ALDH3B2: variants seen among roughly 807,000 people sequenced by gnomAD.
ALDH3B2 encodes the protein aldehyde dehydrogenase 3 family member B2.
In ALDH3B2, 45 loss-of-function variants were observed where a neutral mutation model predicts 36.7. The ratio of observed to expected loss-of-function variants is 1.23; its 90% CI spans 0.97 to 1.57. The LOEUF is 1.57. ALDH3B2 is among the 40% of genes most tolerant of loss of function. The pLI, the probability that ALDH3B2 is intolerant of heterozygous loss-of-function variation, is 0.00. For missense variants in ALDH3B2, 464 were observed against 513.3 expected (o/e 0.90, Z 0.93); for synonymous variants, 217 against 226.5 (o/e 0.96, Z 0.38).
At chr11:67,663,821 C>T (rs1049964198) in intron 8 of ALDH3B2, 60 bp from the exon 9 acceptor site, 130 of 1,449,468 alleles carry the variant, frequency 9.0e-5, no homozygotes, top group Middle Eastern at 1.8e-4. Flanking sequence ...GCTTGAGCCC[C>T]GCACATTCCA....
upstream of ALDH3B2, among the ~76,000 whole-genome samples, chr11:67,679,344 A>C (rs974555078): frequency 5.9e-5 from 9 of 152,092 alleles, no homozygotes; most frequent in African/African-American, 1.9e-4. Context: ...TGTGGCGTGC[A>C]CCTGTAATCC....
exon 10 of ALDH3B2, chr11:67,663,123 C>A: frequency 7.0e-7 from 1 of 1,423,860 alleles, no homozygotes; most frequent in Non-Finnish European, 9.5e-7. Flanking sequence ...GGGGAACCTG[C>A]GGTCTGGAGG....
intron 1 of ALDH3B2, among the ~76,000 whole-genome samples, 182 bp downstream of exon 1, chr11:67,674,254 C>T (rs1046830539): frequency 6.6e-6 from 1 of 152,180 alleles, no homozygotes; most frequent in African/African-American, 2.4e-5. Context: ...CCAGCACCCA[C>T]CTCCCTCTCC....
upstream of ALDH3B2, among the ~76,000 whole-genome samples, chr11:67,675,062 A>G (rs925419569): frequency 1.3e-5 from 2 of 152,120 alleles, no homozygotes; most frequent in Non-Finnish European, 2.9e-5. Context: ...TTCACAGGTC[A>G]AGATGAGCAA....
chr11:67,667,456 C>A lies in ALDH3B2; in HGVS notation c.-82+17G>T. The A allele has an allele frequency of 5.4e-6, 2 of 371,690 alleles. No individual in the cohort carries two copies. The highest frequency in any genetic ancestry group is 5.0e-6 in the Non-Finnish European group (1 of 199,702). 23.0% of individuals were successfully genotyped at this position (371,690 alleles called of 1,614,324 possible). On this transcript the variant is annotated intron_variant, in intron 2 of 9. Transcript: ENST00000349015. ...CGCTGCTCCAGCCCCTGCCGGGGCC[C>A]ACTCTCCACGGCCCACCTTATGCAG...
chr11:67,671,671 C>T (rs958814284), intron 1 of ALDH3B2, among the ~76,000 whole-genome samples: 2 of 151,738 alleles, frequency 1.3e-5, no homozygotes, highest in East Asian at 1.9e-4. Context: ...CTCAACCTCC[C>T]GAGTAGCTGG....
At chr11:67,664,436 T>C in exon 8 of ALDH3B2, 1 of 1,614,096 alleles carries the variant, frequency 6.2e-7, no homozygotes, top group Non-Finnish European at 8.5e-7. Context: ...CAGGGGCTTC[T>C]CCTGCCGGTT....
intron 1 of ALDH3B2, among the ~76,000 whole-genome samples, chr11:67,673,445 C>T (rs929271416): frequency 6.6e-6 from 1 of 152,198 alleles, no homozygotes; most frequent in African/African-American, 2.4e-5. Flanking sequence ...GGCCAGAGAC[C>T]CACCCCTGGC....
chr11:67,662,983 A>C, exon 10 of ALDH3B2: 1 of 551,764 alleles, frequency 1.8e-6, no homozygotes, highest in Non-Finnish European at 3.2e-6. Context: ...GGGGTGAGTG[A>C]GGACACCTGG....
Position 67,664,560 on chromosome 11 carries a change from G to T in ALDH3B2, c.709C>A (p.Pro237Thr), listed in dbSNP as rs566460680. The stretch of plus-strand genomic sequence containing the variant: ...TCCTGCACGTCCACCAGCACCGTGG[G>T]GGCTGCGGGCACCAGAGACGGCTCA... Residue 237 changes from proline to threonine, a missense_variant and splice_region_variant, in exon 8 of 10, where the codon CCC (proline) becomes ACC (threonine). Transcript: ENST00000349015. 12 of 1,613,110 alleles carry T rather than the reference G, an allele frequency of 7.4e-6. No individual in the cohort carries two copies. In the East Asian group the frequency reaches 2.5e-4, roughly 33 times the overall value.
At chr11:67,664,849 A>G (rs1487181593) in intron 7 of ALDH3B2, among the ~76,000 whole-genome samples, 3 of 152,232 alleles carry the variant, frequency 2.0e-5, no homozygotes, top group Admixed American at 6.5e-5. Flanking sequence ...CTTGGAGTTC[A>G]TGAGGCAGCA....
rs377409295 is a variant in ALDH3B2, at chr11:67,665,298, G to A, written c.693C>T (p.Ser231=). 32 of 1,608,090 alleles carry A rather than the reference G, an allele frequency of 2.0e-5. No homozygotes were observed. In the East Asian group the frequency reaches 2.7e-4, roughly 13 times the overall value. The change falls in exon 7 of 10, where the codon AGC becomes AGT. Residue 231 remains serine (S), a synonymous_variant. Coordinates refer to ENST00000349015, the Ensembl canonical transcript of ALDH3B2. ...AGCAGGACTCACCGATGTAGCGATCGCTCTCGTTGCTCTGGCCCCCAATGG... is the reference window on the plus strand; with the variant it reads ...AGCAGGACTCACCGATGTAGCGATCACTCTCGTTGCTCTGGCCCCCAATGG...
chr11:67,679,288 T>A (rs1591151938), upstream of ALDH3B2, among the ~76,000 whole-genome samples: 1 of 152,042 alleles, frequency 6.6e-6, no homozygotes, highest in Middle Eastern at 3.4e-3. Flanking sequence ...ACCAACATGA[T>A]GAAACCCCGT....
chr11:67,666,959 C>A (rs200387182), exon 3 of ALDH3B2: 1 of 1,614,022 alleles, frequency 6.2e-7, no homozygotes, highest in Non-Finnish European at 8.5e-7. Context: ...TTCTTGAGAG[C>A]GTAGTCAACC....
At chr11:67,665,286 G>C (rs770890181) in exon 7 of ALDH3B2, 2 of 1,603,138 alleles carry the variant, frequency 1.2e-6, no homozygotes, top group Non-Finnish European at 1.7e-6. Context: ...AGGACTCACC[G>C]ATGTAGCGAT....
chr11:67,675,088 C>G (rs1485726511), upstream of ALDH3B2, among the ~76,000 whole-genome samples: 2 of 152,158 alleles, frequency 1.3e-5, no homozygotes. Context: ...GCTCTATTTC[C>G]ACTCTCAGTG....
intron 2 of ALDH3B2, 147 bp downstream of exon 2, chr11:67,667,326 C>T: frequency 7.8e-6 from 3 of 385,944 alleles, no homozygotes; most frequent in African/African-American, 2.0e-5. Flanking sequence ...CAGGTGCCTG[C>T]CACACTCCAC....
chr11:67,670,330 CTG>C (rs1417927195), intron 1 of ALDH3B2, among the ~76,000 whole-genome samples: 2 of 151,166 alleles, frequency 1.3e-5, no homozygotes, highest in Admixed American at 6.6e-5. Context: ...CCATGTGTGT[CTG>C]TGTGTGTATG....
chr11:67,676,564 C>G (rs2095240666), upstream of ALDH3B2, among the ~76,000 whole-genome samples: 1 of 151,356 alleles, frequency 6.6e-6, no homozygotes, highest in African/African-American at 2.4e-5. Context: ...GAGAACAATC[C>G]AAACCCAAAC....
Sources: gnomAD v4.1 joint callset for allele counts (sites outside exome capture counted in the v4.1 genomes callset) on GRCh38, gnomAD v4.1.1 for gene constraint, MANE v1.5 for transcripts, NCBI Gene and HGNC (gene_info 2026-07-23, HGNC 2026-07-21) for gene names.